The following ENTREP2 variants were observed in gnomAD, a reference collection of about 807,000 sequenced individuals.
ENTREP2 encodes the protein endosomal transmembrane epsin interactor 2.
At chr15:29,253,051 A>T in the ENTREP2 span, among the ~76,000 whole-genome samples, 1 of 152,234 alleles carries the variant, frequency 6.6e-6, no homozygotes, top group Non-Finnish European at 1.5e-5. Context: ...TTTCTAAAGG[A>T]ATTGAGAAGC....
chr15:29,255,105 G>T, the ENTREP2 span, among the ~76,000 whole-genome samples: 1 of 152,156 alleles, frequency 6.6e-6, no homozygotes, highest in Non-Finnish European at 1.5e-5. Context: ...TGAGAAGATA[G>T]TACAGGATCA....
At chr15:29,325,614 T>C in the ENTREP2 span, among the ~76,000 whole-genome samples, 2 of 152,242 alleles carry the variant, frequency 1.3e-5, no homozygotes, top group South Asian at 4.1e-4. Context: ...ATTAACGATA[T>C]TCCAAAAAAG....
chr15:29,263,942 C>G, the ENTREP2 span, among the ~76,000 whole-genome samples: 22 of 152,100 alleles, frequency 1.4e-4, no homozygotes, highest in Middle Eastern at 6.8e-3. Context: ...ATCACGAGGT[C>G]AGGAGATTGA....
the ENTREP2 span, among the ~76,000 whole-genome samples, chr15:29,380,069 A>C: frequency 1.2e-5 from 1 of 83,700 alleles, no homozygotes; most frequent in Non-Finnish European, 2.5e-5. Flanking sequence ...GGCTGGGGGG[A>C]GGTGGGGGGT....
chr15:29,379,978 G>A, the ENTREP2 span, among the ~76,000 whole-genome samples: 142 of 151,708 alleles, frequency 9.4e-4, no homozygotes, highest in African/African-American at 3.2e-3. Flanking sequence ...TGCATACCCC[G>A]AGGATGTCAA....
chr15:29,460,688 A>T, the ENTREP2 span, among the ~76,000 whole-genome samples: 1 of 152,172 alleles, frequency 6.6e-6, no homozygotes, highest in Non-Finnish European at 1.5e-5. Flanking sequence ...ATCACATCTA[A>T]CTGGAGTCAA....
the ENTREP2 span, among the ~76,000 whole-genome samples, chr15:29,458,961 C>T: frequency 9.2e-5 from 14 of 152,224 alleles, no homozygotes; most frequent in African/African-American, 3.1e-4. Flanking sequence ...AGCAGGTGTC[C>T]GGTGCTGATT....
the ENTREP2 span, among the ~76,000 whole-genome samples, chr15:29,440,848 C>T: frequency 6.6e-6 from 1 of 152,196 alleles, no homozygotes; most frequent in East Asian, 1.9e-4. Context: ...TGTCTCTACT[C>T]AGTCCTCCCA....
At chr15:29,143,772 C>T in the ENTREP2 span, among the ~76,000 whole-genome samples, 1 of 152,108 alleles carries the variant, frequency 6.6e-6, no homozygotes, top group Non-Finnish European at 1.5e-5. Flanking sequence ...GTTAGTACAA[C>T]CAAAGCCACA....
chr15:29,637,934 C>CT, the ENTREP2 span, among the ~76,000 whole-genome samples: 18,408 of 152,072 alleles, frequency 0.12, 1,968 homozygotes, highest in African/African-American at 0.29. Flanking sequence ...TGAAGATGGT[C>CT]GGAGTTATTG....
chr15:29,187,334 G>A, the ENTREP2 span, among the ~76,000 whole-genome samples: 4 of 151,932 alleles, frequency 2.6e-5, no homozygotes, highest in African/African-American at 4.8e-5. Flanking sequence ...GGAGTGCAGT[G>A]GTGCGATCTC....
At chr15:29,641,642 G>A in the ENTREP2 span, among the ~76,000 whole-genome samples, 292 of 152,082 alleles carry the variant, frequency 1.9e-3, no homozygotes, top group Non-Finnish European at 2.8e-3. Context: ...CATCAGCCTG[G>A]CCAACATGGT....
chr15:29,158,775 C>T, the ENTREP2 span, among the ~76,000 whole-genome samples: 1 of 151,814 alleles, frequency 6.6e-6, no homozygotes, highest in Non-Finnish European at 1.5e-5. Context: ...ACTGGATATT[C>T]TGATGTTATT....
At chr15:29,234,480 C>A in the ENTREP2 span, 1 of 1,462,272 alleles carries the variant, frequency 6.8e-7, no homozygotes. Flanking sequence ...ATTCGCCTAT[C>A]ATATATTTGT....
the ENTREP2 span, among the ~76,000 whole-genome samples, chr15:29,339,926 G>A: frequency 6.6e-6 from 1 of 152,334 alleles, no homozygotes; most frequent in South Asian, 2.1e-4. Flanking sequence ...AGATGGAGTC[G>A]CCAGATAGAT....
the ENTREP2 span, among the ~76,000 whole-genome samples, chr15:29,280,356 A>G: frequency 6.6e-6 from 1 of 152,150 alleles, no homozygotes; most frequent in Admixed American, 6.5e-5. Context: ...TTGAGTTTGC[A>G]TGATATGCTT....
the ENTREP2 span, among the ~76,000 whole-genome samples, chr15:29,506,464 A>G: frequency 1.3e-5 from 2 of 152,194 alleles, no homozygotes; most frequent in African/African-American, 4.8e-5. Flanking sequence ...CATCAGATTC[A>G]CCAAGATTGA....
the ENTREP2 span, among the ~76,000 whole-genome samples, chr15:29,169,454 T>C: frequency 1.3e-5 from 2 of 152,168 alleles, no homozygotes; most frequent in East Asian, 3.9e-4. Flanking sequence ...GTTGGGATAA[T>C]TGGCTGTCTT....
the ENTREP2 span, among the ~76,000 whole-genome samples, chr15:29,221,505 A>G: frequency 6.6e-6 from 1 of 152,066 alleles, no homozygotes; most frequent in East Asian, 1.9e-4. Context: ...CGACACTTTC[A>G]AGGACAGCTT....
Sources: gnomAD v4.1 joint callset for allele counts (sites outside exome capture counted in the v4.1 genomes callset) on GRCh38, gnomAD v4.1.1 for gene constraint, MANE v1.5 for transcripts, NCBI Gene and HGNC (gene_info 2026-07-23, HGNC 2026-07-21) for gene names.